Variants in MAGI2 observed in about 807,000 individuals in gnomAD.
MAGI2 encodes the protein membrane associated guanylate kinase, WW and PDZ domain containing 2, also known as membrane-associated guanylate kinase, WW and PDZ domain-containing protein 2.
In MAGI2, 35 loss-of-function variants were observed where a neutral mutation model predicts 133.3. That is an observed-to-expected ratio of 0.26 (90% confidence interval 0.20 to 0.35). The LOEUF (loss-of-function observed/expected upper bound fraction) is 0.35. MAGI2 is among the 10% of genes least tolerant of loss of function. The probability of loss-of-function intolerance (pLI) is 1.00; values close to 1 mark genes in which losing one functional copy is unlikely to be tolerated. For synonymous variants in MAGI2, 729 were observed against 710.6 expected, an observed-to-expected ratio of 1.03 and a Z score of -0.41; for missense variants, 1,636 against 1,863.4, an observed-to-expected ratio of 0.88 and a Z score of 2.25.
chr7:78,214,132 G>A (rs1015963141), intron 10 of MAGI2, among the ~76,000 whole-genome samples: 2 of 152,186 alleles, frequency 1.3e-5, no homozygotes, highest in African/African-American at 4.8e-5. Flanking sequence ...TTCACCTGCT[G>A]AGGTAATCCG....
chr7:78,830,844 T>C (rs1293002350), intron 2 of MAGI2, among the ~76,000 whole-genome samples: 1 of 152,126 alleles, frequency 6.6e-6, no homozygotes, highest in African/African-American at 2.4e-5. Flanking sequence ...CCTTGGGCTA[T>C]GGAAATAAGA....
At chr7:78,249,635 T>C (rs886453250) in intron 10 of MAGI2, among the ~76,000 whole-genome samples, 3 of 151,996 alleles carry the variant, frequency 2.0e-5, no homozygotes, top group African/African-American at 7.2e-5. Context: ...ATCTCACTTA[T>C]ATGCAGAATA....
At chr7:78,342,191 C>G (rs1562856112) in intron 9 of MAGI2, among the ~76,000 whole-genome samples, 3 of 151,746 alleles carry the variant, frequency 2.0e-5, no homozygotes, top group Admixed American at 1.3e-4. Context: ...GTGCAGTCAA[C>G]AAACATAAAA....
At chr7:79,133,167 T>C (rs1332995003) in intron 1 of MAGI2, among the ~76,000 whole-genome samples, 3 of 152,206 alleles carry the variant, frequency 2.0e-5, no homozygotes, top group Non-Finnish European at 4.4e-5. Context: ...GTCCCATTTA[T>C]TTATTTTTGT....
rs780279045 is a variant in MAGI2 at position 79,252,176 on chromosome 7, A to G, written c.301+200844T>C. On this transcript the variant is annotated intron_variant, in intron 1 of 21. Coordinates refer to ENST00000354212, the MANE Select transcript of MAGI2 (RefSeq NM_012301.4). Reference sequence around the variant, plus strand: ...TGTCTCAAAAAAAAAAAAAAAAAAAAAAGAAGAAGAAGAAAAAGAAGAAAG... The same window carrying G: ...TGTCTCAAAAAAAAAAAAAAAAAAAGAAGAAGAAGAAGAAAAAGAAGAAAG... Among the ~76,000 whole-genome samples, 6 of 46,122 alleles carry G rather than the reference A, an allele frequency of 1.3e-4. No homozygotes were observed. In the East Asian group the frequency reaches 1.5e-3, roughly 12 times the overall value. 30.3% of individuals were successfully genotyped at this position (46,122 alleles called of 152,430 possible).
chr7:78,907,355 A>G (rs1458901911), intron 2 of MAGI2, among the ~76,000 whole-genome samples: 3 of 152,198 alleles, frequency 2.0e-5, no homozygotes, highest in African/African-American at 7.2e-5. Flanking sequence ...TCAATGCTTG[A>G]TAAAGATTAT....
intron 2 of MAGI2, among the ~76,000 whole-genome samples, chr7:78,912,284 A>T (rs1798454122): frequency 6.6e-6 from 1 of 152,178 alleles, no homozygotes; most frequent in African/African-American, 2.4e-5. Context: ...CAAAACAGGT[A>T]TGTACAAAGT....
At chr7:78,577,066 C>G (rs1802342523) in intron 3 of MAGI2, among the ~76,000 whole-genome samples, 1 of 152,138 alleles carries the variant, frequency 6.6e-6, no homozygotes, top group Non-Finnish European at 1.5e-5. Context: ...TATTGCTTTC[C>G]TCTTCTATAC....
At chr7:78,997,758 C>G (rs188497967) in intron 2 of MAGI2, among the ~76,000 whole-genome samples, 34 of 152,258 alleles carry the variant, frequency 2.2e-4, no homozygotes, top group African/African-American at 4.3e-4. Flanking sequence ...CTTGATTACA[C>G]TAAGCATTGA....
At chr7:78,630,809 TCTC>T (rs1808909327) in intron 2 of MAGI2, among the ~76,000 whole-genome samples, 1 of 152,160 alleles carries the variant, frequency 6.6e-6, no homozygotes, top group African/African-American at 2.4e-5. Context: ...GAGAGATAAA[TCTC>T]CTCTCAAAAT....
At chr7:78,304,632 GCTTA>G (rs1798103993) in intron 9 of MAGI2, among the ~76,000 whole-genome samples, 1 of 152,140 alleles carries the variant, frequency 6.6e-6, no homozygotes, top group Non-Finnish European at 1.5e-5. Context: ...GTTTCATGGT[GCTTA>G]CTTTCCACTT....
At chr7:79,270,276 C>T (rs1335565407) in intron 1 of MAGI2, among the ~76,000 whole-genome samples, 1 of 152,168 alleles carries the variant, frequency 6.6e-6, no homozygotes, top group Non-Finnish European at 1.5e-5. Context: ...TCTGTCTTTT[C>T]TGTGGCATGG....
chr7:78,655,454 C>CAAAAAAAAAAAAAAAAAAAAACA (rs1812106185), intron 2 of MAGI2, among the ~76,000 whole-genome samples: 2 of 64,948 alleles, frequency 3.1e-5, no homozygotes, highest in Non-Finnish European at 5.6e-5. Context: ...AAAAAACAAC[C>CAAAAAAAAAAAAAAAAAAAAACA]AAAAAAAAAA....
At chr7:79,394,644 T>G (rs768521668) in intron 1 of MAGI2, among the ~76,000 whole-genome samples, 2 of 152,350 alleles carry the variant, frequency 1.3e-5, no homozygotes, top group African/African-American at 4.8e-5. Context: ...ACCCCAGGCA[T>G]GGCCTTCTTC....
chr7:79,403,434 C>T (rs1442826181), intron 1 of MAGI2, among the ~76,000 whole-genome samples: 1 of 150,384 alleles, frequency 6.6e-6, no homozygotes, highest in Admixed American at 6.6e-5. Flanking sequence ...ACCTTTCTTG[C>T]TTTTTTTTTA....
intron 11 of MAGI2, among the ~76,000 whole-genome samples, chr7:78,195,352 T>A (rs904173292): frequency 6.6e-6 from 1 of 152,180 alleles, no homozygotes; most frequent in African/African-American, 2.4e-5. Flanking sequence ...ATTTCTCTGT[T>A]TTTTTCCCCC....
At chr7:78,405,961 T>A (rs1326724384) in intron 6 of MAGI2, among the ~76,000 whole-genome samples, 2 of 151,982 alleles carry the variant, frequency 1.3e-5, no homozygotes, top group Non-Finnish European at 2.9e-5. Context: ...AGCTGGTGAA[T>A]AATTTCATAA....
intron 10 of MAGI2, among the ~76,000 whole-genome samples, chr7:78,221,007 C>T (rs973541903): frequency 1.3e-5 from 2 of 152,194 alleles, no homozygotes; most frequent in Non-Finnish European, 2.9e-5. Context: ...GCTACCGTAC[C>T]TGTACTGAGC....
chr7:79,280,305 G>T (rs1262443037), intron 1 of MAGI2, among the ~76,000 whole-genome samples: 1 of 152,124 alleles, frequency 6.6e-6, no homozygotes, highest in Non-Finnish European at 1.5e-5. Flanking sequence ...GCAAAGCAAA[G>T]ATAACAGTTG....
Sources: allele counts gnomAD v4.1 joint callset (sites outside exome capture counted in the v4.1 genomes callset), GRCh38; gene constraint gnomAD v4.1.1; transcripts MANE v1.5; gene names NCBI Gene and HGNC (gene_info 2026-07-23, HGNC 2026-07-21).